Variants in SLC25A21 observed in about 807,000 individuals in gnomAD.
The protein encoded by SLC25A21 is solute carrier family 25 member 21.
In SLC25A21, 47 loss-of-function variants were observed where a neutral mutation model predicts 43.8. The ratio of observed to expected loss-of-function variants is 1.07; its 90% CI spans 0.85 to 1.37. The LOEUF (loss-of-function observed/expected upper bound fraction) is 1.37. Ranked by LOEUF, SLC25A21 falls within the 40% of genes most tolerant of loss-of-function variation. The pLI is 0.00. For synonymous variants in SLC25A21, 131 were observed against 121.3 expected (o/e 1.08, Z -0.52); for missense variants, 352 against 350.2 (o/e 1.00, Z -0.04).
chr14:36,779,875 G>C (rs896798777), intron 3 of SLC25A21, among the ~76,000 whole-genome samples: 1 of 151,558 alleles, frequency 6.6e-6, no homozygotes, highest in African/African-American at 2.4e-5. Context: ...CCTCTATACT[G>C]TTTTCAGTAA....
chr14:36,913,454 T>C (rs897036917), intron 1 of SLC25A21, among the ~76,000 whole-genome samples: 2 of 152,170 alleles, frequency 1.3e-5, no homozygotes, highest in South Asian at 2.1e-4. Context: ...TTTTGACTTT[T>C]TTGTAAAGAC....
In SLC25A21 at chr14:36,761,191, TG is replaced by T. The variant is rs200077382; in HGVS notation, c.204-26619del. 7.9e-3 allele frequency among the ~76,000 whole-genome samples: 1,198 copies of T among 152,308 alleles called. 17 individuals are homozygous for T. Among genetic ancestry groups the T allele is most frequent in the African/African-American group, 0.027 (1,117 of 41,572 alleles). The stretch of plus-strand genomic sequence containing the variant: ...AGTTTGTGCATCCAAACAGAAGCCT[TG>T]GAGCATTTTCTCCTGGCTTTGGTTG... On this transcript the variant is annotated intron_variant, in intron 3 of 9. Coordinates refer to ENST00000331299, the MANE Select transcript of SLC25A21 (RefSeq NM_030631.4).
At chr14:37,141,508 T>A (rs958573460) in intron 1 of SLC25A21, among the ~76,000 whole-genome samples, 12 of 149,850 alleles carry the variant, frequency 8.0e-5, no homozygotes, top group Admixed American at 2.0e-4. Context: ...ACTGCGTTTT[T>A]AAAAAAAAAA....
At chr14:36,809,713 T>C (rs1888166576) in intron 3 of SLC25A21, among the ~76,000 whole-genome samples, 2 of 152,172 alleles carry the variant, frequency 1.3e-5, no homozygotes, top group Non-Finnish European at 2.9e-5. Flanking sequence ...CAGACTTTAA[T>C]GTTTTTAAAT....
chr14:36,897,553 G>A (rs1163284566), intron 1 of SLC25A21, among the ~76,000 whole-genome samples: 2 of 152,064 alleles, frequency 1.3e-5, no homozygotes, highest in Admixed American at 6.5e-5. Flanking sequence ...GTCATTCTAC[G>A]TCCAGCTTTG....
At chr14:37,014,269 G>A (rs999989319) in intron 1 of SLC25A21, among the ~76,000 whole-genome samples, 2 of 152,064 alleles carry the variant, frequency 1.3e-5, no homozygotes, top group South Asian at 2.1e-4. Context: ...ATTTTCCCCA[G>A]AGTAGAACTT....
intron 1 of SLC25A21, among the ~76,000 whole-genome samples, chr14:37,058,230 A>C (rs1425750992): frequency 1.3e-5 from 2 of 152,250 alleles, no homozygotes; most frequent in Admixed American, 6.5e-5. Context: ...ATTAAATGCC[A>C]GGAATTTAGT....
intron 1 of SLC25A21, among the ~76,000 whole-genome samples, chr14:37,019,848 A>G (rs1041330656): frequency 1.3e-5 from 2 of 151,722 alleles, no homozygotes; most frequent in Non-Finnish European, 2.9e-5. Flanking sequence ...GAGCCACAGC[A>G]AGTTTTTTTA....
At chr14:37,006,481 A>G (rs1960606611) in intron 1 of SLC25A21, among the ~76,000 whole-genome samples, 1 of 152,148 alleles carries the variant, frequency 6.6e-6, no homozygotes, top group South Asian at 2.1e-4. Flanking sequence ...AGTCCCTCTG[A>G]AAAGATTTGC....
intron 1 of SLC25A21, among the ~76,000 whole-genome samples, chr14:37,031,439 T>C (rs1961208479): frequency 2.0e-5 from 3 of 152,348 alleles, no homozygotes; most frequent in African/African-American, 7.2e-5. Context: ...GAATATAAAA[T>C]GTGGCTTATC....
chr14:37,140,957 GC>G (rs1963560252), intron 1 of SLC25A21, among the ~76,000 whole-genome samples: 1 of 152,098 alleles, frequency 6.6e-6, no homozygotes, highest in African/African-American at 2.4e-5. Context: ...GACCAACCTT[GC>G]CACATGGCGA....
At chr14:36,762,471 G>A (rs139203352) in intron 3 of SLC25A21, among the ~76,000 whole-genome samples, 194 of 152,280 alleles carry the variant, frequency 1.3e-3, no homozygotes, top group African/African-American at 4.5e-3. Context: ...AGATCTGCCC[G>A]AAGTCACACA....
At chr14:36,865,824 T>C (rs1002918491) in intron 2 of SLC25A21, among the ~76,000 whole-genome samples, 1 of 152,180 alleles carries the variant, frequency 6.6e-6, no homozygotes, top group Admixed American at 6.5e-5. Flanking sequence ...TCTCCACAGA[T>C]TGAGTAAAAG....
intron 2 of SLC25A21, among the ~76,000 whole-genome samples, chr14:36,863,963 C>G (rs2138536623): frequency 1.3e-5 from 2 of 152,296 alleles, no homozygotes; most frequent in South Asian, 4.1e-4. Flanking sequence ...ACAACCCTTG[C>G]TAGCCCAAAG....
chr14:37,006,613 A>G (rs1471594789), intron 1 of SLC25A21, among the ~76,000 whole-genome samples: 3 of 152,006 alleles, frequency 2.0e-5, no homozygotes, highest in African/African-American at 7.2e-5. Context: ...TGCCCGATCT[A>G]TCAACATTTT....
At chr14:36,804,528 G>T (rs947641260) in intron 3 of SLC25A21, among the ~76,000 whole-genome samples, 3 of 152,156 alleles carry the variant, frequency 2.0e-5, no homozygotes, top group African/African-American at 7.2e-5. Flanking sequence ...TATCAAGGAG[G>T]TCATATACAT....
chr14:37,016,430 G>C (rs1960857944), intron 1 of SLC25A21, among the ~76,000 whole-genome samples: 1 of 152,158 alleles, frequency 6.6e-6, no homozygotes, highest in Admixed American at 6.6e-5. Context: ...GTACCATGCT[G>C]TTTTGGTTAC....
chr14:36,824,029 T>C (rs369895237), intron 2 of SLC25A21, among the ~76,000 whole-genome samples: 1 of 152,134 alleles, frequency 6.6e-6, no homozygotes, highest in Non-Finnish European at 1.5e-5. Context: ...CTACAGAAAG[T>C]ATGCACTAGA....
At chr14:37,143,653 G>A (rs1029992932) in intron 1 of SLC25A21, among the ~76,000 whole-genome samples, 13 of 151,700 alleles carry the variant, frequency 8.6e-5, no homozygotes, top group African/African-American at 2.9e-4. Flanking sequence ...AGTATGAAAG[G>A]GGAAGAAGGC....
Sources: allele counts gnomAD v4.1 joint callset (sites outside exome capture counted in the v4.1 genomes callset), GRCh38; gene constraint gnomAD v4.1.1; transcripts MANE v1.5; gene names NCBI Gene and HGNC (gene_info 2026-07-23, HGNC 2026-07-21).